The following SULT6B1 variants were observed in gnomAD, a reference collection of about 807,000 sequenced individuals.
SULT6B1 encodes the protein sulfotransferase family 6B member 1, also known as sulfotransferase 6B1.
In SULT6B1, 44 loss-of-function variants were observed where a neutral mutation model predicts 37.2. The observed-to-expected ratio is 1.18, with a 90% CI of 0.93 to 1.52. SULT6B1 has a LOEUF of 1.52. Ranked by LOEUF, SULT6B1 falls within the 40% of genes most tolerant of loss-of-function variation. SULT6B1 has a pLI of 0.00. For missense variants in SULT6B1, 450 were observed against 361.0 expected, an observed-to-expected ratio of 1.25 and a Z score of -2.00; for synonymous variants, 140 against 126.0, an observed-to-expected ratio of 1.11 and a Z score of -0.74.
intron 1 of SULT6B1, among the ~76,000 whole-genome samples, chr2:37,195,299 T>C (rs1038800604): frequency 1.3e-5 from 2 of 152,152 alleles, no homozygotes; most frequent in Admixed American, 1.3e-4. Context: ...TTAACACTGA[T>C]ATTCTGGTAT....
intron 2 of SULT6B1, 109 bp downstream of exon 2, chr2:37,187,246 T>G (rs1676693888): frequency 1.4e-6 from 1 of 698,684 alleles, no homozygotes; most frequent in Non-Finnish European, 2.5e-6. Context: ...CAGTAAATTG[T>G]GGTAATTATT....
At chr2:37,170,201 C>T (rs1334570299) in intron 6 of SULT6B1, among the ~76,000 whole-genome samples, 1 of 152,168 alleles carries the variant, frequency 6.6e-6, no homozygotes, top group Non-Finnish European at 1.5e-5. Flanking sequence ...TGTGGTGGCT[C>T]ACGCCTGTAA....
intron 6 of SULT6B1, among the ~76,000 whole-genome samples, chr2:37,168,919 G>T (rs1045330453): frequency 3.9e-5 from 6 of 152,074 alleles, no homozygotes; most frequent in African/African-American, 1.4e-4. Context: ...ATGACATGAA[G>T]AAACGCTTAC....
At chr2:37,168,575 C>T (rs960397709) in intron 6 of SULT6B1, among the ~76,000 whole-genome samples, 1 of 152,172 alleles carries the variant, frequency 6.6e-6, no homozygotes, top group African/African-American at 2.4e-5. Context: ...CTAGGGGGAG[C>T]CATCAGCCTC....
At chr2:37,190,913 G>T, upstream of SULT6B1, among the ~76,000 whole-genome samples, 1 of 152,218 alleles carries the variant, frequency 6.6e-6, no homozygotes, top group Admixed American at 6.5e-5. Flanking sequence ...TCTGCACTTG[G>T]TTTGTTTCAA....
At position 37,171,516 on chromosome 2, in the gene SULT6B1, G is replaced by C. The variant is rs1264772387; in HGVS notation, c.699C>G (p.Ile233Met). Residue 233 changes from isoleucine (I) to methionine (M), a missense_variant, in exon 6 of 7, where the codon ATC becomes ATG. Physicochemically the swap from Ile to Met is conservative, Grantham distance 10. Transcript: ENST00000535679. Reference sequence around the variant, plus strand: ...TGGCTTGGAAGGTGCTCTGGACTGAGATAGTTTGAATTTGCTCCCCAGTTA... The same window carrying C: ...TGGCTTGGAAGGTGCTCTGGACTGACATAGTTTGAATTTGCTCCCCAGTTA... ...FFLTGEQIQT[I>M]SVQSTFQAMR... 6.2e-7 allele frequency: 1 copy of C among 1,614,050 alleles called. No homozygotes were observed. The highest frequency in any genetic ancestry group is 8.5e-7 in the Non-Finnish European group (1 of 1,180,030).
At chr2:37,175,690 C>T (rs533128828) in intron 4 of SULT6B1, among the ~76,000 whole-genome samples, 1 of 152,234 alleles carries the variant, frequency 6.6e-6, no homozygotes, top group East Asian at 1.9e-4. Flanking sequence ...TGTTTTACTC[C>T]ACTTAACCCA....
chr2:37,183,755 T>C (rs374535807), intron 2 of SULT6B1, among the ~76,000 whole-genome samples: 2 of 152,288 alleles, frequency 1.3e-5, no homozygotes, highest in South Asian at 4.1e-4. Flanking sequence ...GCAATTCTCC[T>C]TTCTCAGCCT....
chr2:37,191,743 C>A (rs1249015452), upstream of SULT6B1, among the ~76,000 whole-genome samples: 1 of 152,194 alleles, frequency 6.6e-6, no homozygotes, highest in Non-Finnish European at 1.5e-5. Flanking sequence ...ACGAAAAAAA[C>A]TGTAATACTG....
At chr2:37,174,145 C>A (rs1254155034) in intron 5 of SULT6B1, among the ~76,000 whole-genome samples, 1 of 152,002 alleles carries the variant, frequency 6.6e-6, no homozygotes, top group Non-Finnish European at 1.5e-5. Context: ...CCCCAGTTAC[C>A]TACTTGGCTC....
chr2:37,170,343 T>C (rs938728776), intron 6 of SULT6B1, among the ~76,000 whole-genome samples: 1 of 152,158 alleles, frequency 6.6e-6, no homozygotes, highest in Non-Finnish European at 1.5e-5. Flanking sequence ...AATGGGTACC[T>C]GTAATCCCAG....
chr2:37,187,611 T>C, intron 1 of SULT6B1, 144 bp from the exon 2 acceptor site: 1 of 482,642 alleles, frequency 2.1e-6, no homozygotes, highest in Non-Finnish European at 3.6e-6. Context: ...TTGAAATAAC[T>C]TGGGCTATGG....
intron 6 of SULT6B1, among the ~76,000 whole-genome samples, chr2:37,170,976 C>A (rs1040164078): frequency 2.0e-5 from 3 of 151,796 alleles, no homozygotes; most frequent in Non-Finnish European, 4.4e-5. Context: ...CGGTGGCTCA[C>A]GCCTGTAATC....
chr2:37,168,156 T>C, intron 6 of SULT6B1, 91 bp from the exon 7 acceptor site: 2 of 1,281,756 alleles, frequency 1.6e-6, no homozygotes, highest in Non-Finnish European at 2.1e-6. Context: ...CACTCTGATA[T>C]GTTAAAATGG....
chr2:37,180,621 T>C (rs879382329), intron 3 of SULT6B1, among the ~76,000 whole-genome samples: 2 of 152,186 alleles, frequency 1.3e-5, no homozygotes, highest in Non-Finnish European at 1.5e-5. Context: ...TGGTGGCTTA[T>C]GCCTGTTATC....
rs937614118 is a variant in SULT6B1, at chr2:37,168,181, G to T, written c.782-116C>A. On this transcript the variant is annotated intron_variant, in intron 6 of 6. Coordinates refer to ENST00000535679, the MANE Select transcript of SULT6B1 (RefSeq NM_001367551.1). The stretch of plus-strand genomic sequence containing the variant: ...TGTTAAAATGGACACATGGAAAAAA[G>T]CTTTACACTCTTTATTTAGTTTTTT... 15 of 1,046,564 alleles carry T rather than the reference G, an allele frequency of 1.4e-5. No homozygotes were observed. The African/African-American group carries it at 2.4e-4, about 16-fold the overall frequency. 64.8% of individuals were successfully genotyped at this position (1,046,564 alleles called of 1,614,324 possible).
At chr2:37,177,216 A>C (rs964878711) in intron 4 of SULT6B1, among the ~76,000 whole-genome samples, 3 of 152,010 alleles carry the variant, frequency 2.0e-5, no homozygotes, top group African/African-American at 4.8e-5. Context: ...TAGACACAAA[A>C]AGAAAAATAC....
chr2:37,188,625 T>A lies in SULT6B1; in HGVS notation c.16A>T (p.Lys6Ter). MADKS[K>*]FIEYIDEALE... ...GCTTCGTCAATGTATTCAATAAATT[T>A]GGATTTATCAGCCATGGTGGCTCCC... The change falls in exon 1 of 7, where the codon AAA becomes TAA. Residue 6 changes from lysine (K) to a stop codon, truncating the protein, a stop_gained. Coordinates refer to ENST00000535679, the MANE Select transcript of SULT6B1 (RefSeq NM_001367551.1). LOFTEE classifies it high-confidence loss of function. 1.5e-6 allele frequency: 2 copies of A among 1,352,358 alleles called. No individual in the cohort carries two copies. Among genetic ancestry groups the A allele is most frequent in the Non-Finnish European group, 2.1e-6 (2 of 948,240 alleles). The allele number at this position is 1,352,358 out of a possible 1,614,324, so 83.8% of individuals were successfully genotyped here.
rs556436746 is a variant in SULT6B1, at chr2:37,186,613, T to TG, written c.312+741dup. Among the ~76,000 whole-genome samples, 59 of 152,214 alleles carry TG rather than the reference T, an allele frequency of 3.9e-4. No individual in the cohort carries two copies. The East Asian group carries it at 7.3e-3, about 19-fold the overall frequency. ...AGGGAAATCAAAAATCATGTCTGGC[T>TG]GGGTGCGGTGGCTCATGCCCATAAT... On this transcript the variant is annotated intron_variant, in intron 2 of 6. Transcript: ENST00000535679.
Sources: gnomAD v4.1 joint callset for allele counts (sites outside exome capture counted in the v4.1 genomes callset) on GRCh38, gnomAD v4.1.1 for gene constraint, MANE v1.5 for transcripts, NCBI Gene and HGNC (gene_info 2026-07-23, HGNC 2026-07-21) for gene names.